WNT10A: variants seen among roughly 807,000 people sequenced by gnomAD.
The protein encoded by WNT10A is Wnt family member 10A.
WNT10A carries 37 observed loss-of-function variants against 36.1 expected under a neutral mutation model. That is an observed-to-expected ratio of 1.02 (90% CI 0.79 to 1.35). WNT10A has a LOEUF of 1.35. Among genes scored for constraint, WNT10A ranks in the 40% most tolerant of loss-of-function variants. The pLI, the probability that WNT10A is intolerant of heterozygous loss-of-function variation, is 0.00. For missense variants in WNT10A, 613 were observed against 601.4 expected (o/e 1.02, Z -0.20); for synonymous variants, 255 against 254.1 (o/e 1.00, Z -0.03).
Position 218,882,078 on chromosome 2 carries a change from C to T in WNT10A, c.114-83C>T, listed in dbSNP as rs2106011393. The T allele has an allele frequency of 3.9e-6, 6 of 1,537,462 alleles. No homozygotes were observed. The East Asian group carries it at 6.9e-5, about 18-fold the overall frequency. The stretch of plus-strand genomic sequence containing the variant: ...GGTTGGAAGAGGGAGTGATTATGGC[C>T]GTTGGGACAGAGTGTGTGTTGTTAG... On this transcript the variant is annotated intron_variant, in intron 1 of 3. Coordinates refer to ENST00000258411, the MANE Select transcript of WNT10A (RefSeq NM_025216.3).
Position 218,890,349 on chromosome 2 carries a change from C to T in WNT10A, c.742C>T (p.Arg248Ter), listed in dbSNP as rs886039453. ...IHARMRLHNN[R>*]VGRQAVMENM... The stretch of plus-strand genomic sequence containing the variant: ...CGCGAGAATGAGGCTTCACAACAAC[C>T]GAGTTGGGAGGCAGGTGAGAGCCCC... Residue 248 changes from arginine to a stop codon, truncating the protein, a stop_gained, in exon 3 of 4, where the codon CGA (arginine) becomes TGA (stop). Transcript: ENST00000258411. LOFTEE classifies it high-confidence loss of function. 27 of 1,599,936 alleles carry T rather than the reference C, an allele frequency of 1.7e-5. No homozygotes were observed. The highest frequency in any genetic ancestry group is 2.1e-5 in the Non-Finnish European group (25 of 1,179,936).
chr2:218,891,750 G>A (rs1020839674), intron 3 of WNT10A, among the ~76,000 whole-genome samples: 1 of 152,188 alleles, frequency 6.6e-6, no homozygotes, highest in African/African-American at 2.4e-5. Context: ...GCGCATGCAC[G>A]CTGTGGAGCC....
At chr2:218,877,015 T>C (rs1944458413), upstream of WNT10A, among the ~76,000 whole-genome samples, 1 of 152,164 alleles carries the variant, frequency 6.6e-6, no homozygotes, top group Non-Finnish European at 1.5e-5. The surrounding 1 kb of genome is among the most constrained non-coding windows in gnomAD (Gnocchi z 4.1). Context: ...TCCCAGACTC[T>C]ACCACTGCTG....
At chr2:218,875,210 A>C in the WNT10A span, among the ~76,000 whole-genome samples, 2 of 42,936 alleles carry the variant, frequency 4.7e-5, no homozygotes, top group Admixed American at 4.3e-4. Flanking sequence ...TTTTTTTGAG[A>C]TGGAGTCTCG....
upstream of WNT10A, chr2:218,880,793 C>T (rs542279169): frequency 1.4e-4 from 71 of 505,324 alleles, no homozygotes; most frequent in Middle Eastern, 2.1e-3. The surrounding 1 kb of genome is among the most constrained non-coding windows in gnomAD (Gnocchi z 7.7). Context: ...CTTCACCCCC[C>T]GCCCCCCCCG....
intron 2 of WNT10A, among the ~76,000 whole-genome samples, chr2:218,883,603 C>CCGG (rs1404739478): frequency 6.7e-6 from 1 of 150,014 alleles, no homozygotes; most frequent in Non-Finnish European, 1.5e-5. Context: ...CTGTTTCTAC[C>CCGG]CGGCCGAGCC....
At chr2:218,875,373 G>A in the WNT10A span, among the ~76,000 whole-genome samples, 1 of 151,212 alleles carries the variant, frequency 6.6e-6, no homozygotes, top group Non-Finnish European at 1.5e-5. Context: ...TGTATTTTTA[G>A]TAGAGATGGG....
chr2:218,890,325 G>T lies in WNT10A; in HGVS notation c.718G>T (p.Ala240Ser), dbSNP rs1386859394. The change falls in exon 3 of 4, where the codon GCG (alanine) becomes TCG (serine). Residue 240 changes from alanine to serine, a missense_variant. Physicochemically the swap from Ala to Ser is moderately conservative, Grantham distance 99. Coordinates refer to ENST00000258411, the MANE Select transcript of WNT10A (RefSeq NM_025216.3). ...CCGGGAGCCTCACAGAGACATCCACGCGAGAATGAGGCTTCACAACAACCG... is the reference window on the plus strand; with the variant it reads ...CCGGGAGCCTCACAGAGACATCCACTCGAGAATGAGGCTTCACAACAACCG... ...DSREPHRDIH[A>S]RMRLHNNRVG... 6.2e-7 allele frequency: 1 copy of T among 1,601,496 alleles called. No individual in the cohort carries two copies. Among genetic ancestry groups the T allele is most frequent in the Non-Finnish European group, 8.5e-7 (1 of 1,179,940 alleles).
At chr2:218,886,771 C>T (rs548463716) in intron 2 of WNT10A, among the ~76,000 whole-genome samples, 1 of 152,228 alleles carries the variant, frequency 6.6e-6, no homozygotes. Flanking sequence ...GGGCCCTGAA[C>T]AGGAGCTGGG....
chr2:218,887,421 T>G (rs559686848), intron 2 of WNT10A, among the ~76,000 whole-genome samples: 1 of 152,230 alleles, frequency 6.6e-6, no homozygotes, highest in South Asian at 2.1e-4. Flanking sequence ...AAATGCAGGA[T>G]GTGCTTCCCA....
chr2:218,882,414 T>A lies in WNT10A; in HGVS notation c.367T>A (p.Phe123Ile). ...RNKIPYESPI[F>I]SRGFRESAFA... ...CAAGATCCCCTATGAGAGTCCCATC[T>A]TCAGCAGAGGTAGCTGCCCCTCACC... Residue 123 changes from phenylalanine (F) to isoleucine (I), a missense_variant, in exon 2 of 4, where the codon TTC becomes ATC. By Grantham distance (21) the Phe-to-Ile change is conservative. Coordinates refer to ENST00000258411, the MANE Select transcript of WNT10A (RefSeq NM_025216.3). 7 of 1,614,126 alleles carry A rather than the reference T, an allele frequency of 4.3e-6. No homozygotes were observed. Among genetic ancestry groups the A allele is most frequent in the Non-Finnish European group, 5.9e-6 (7 of 1,180,026 alleles).
In WNT10A at chr2:218,880,948, C is replaced by T; in HGVS notation, c.-48C>T. 3.9e-6 allele frequency: 6 copies of T among 1,539,610 alleles called. No homozygotes were observed. The highest frequency in any genetic ancestry group is 5.3e-6 in the Non-Finnish European group (6 of 1,142,620). Reference sequence around the variant, plus strand: ...GCCGGCGCCCCTGGCTCTCCAGTCCCACTGGGCTGTGAGCCCCCCACTCCC... The same window carrying T: ...GCCGGCGCCCCTGGCTCTCCAGTCCTACTGGGCTGTGAGCCCCCCACTCCC... On this transcript the variant is annotated 5_prime_UTR_variant, in exon 1 of 4. Coordinates refer to ENST00000258411, the MANE Select transcript of WNT10A (RefSeq NM_025216.3). The surrounding 1 kb of genome is among the most constrained non-coding windows in gnomAD (Gnocchi z 7.7).
upstream of WNT10A, among the ~76,000 whole-genome samples, chr2:218,878,537 A>C (rs1255681700): frequency 6.6e-6 from 1 of 152,174 alleles, no homozygotes; most frequent in Non-Finnish European, 1.5e-5. The surrounding 1 kb of genome is among the most constrained non-coding windows in gnomAD (Gnocchi z 4.1). Context: ...CCAGGTCAGC[A>C]GCGTTTCCCA....
chr2:218,884,555 C>T (rs111696658), intron 2 of WNT10A, among the ~76,000 whole-genome samples: 127 of 152,258 alleles, frequency 8.3e-4, no homozygotes, highest in African/African-American at 2.9e-3. Flanking sequence ...CTTCTACCTT[C>T]TACCTTCTAC....
intron 2 of WNT10A, among the ~76,000 whole-genome samples, chr2:218,882,697 G>T (rs1271450413): frequency 6.6e-6 from 1 of 152,160 alleles, no homozygotes; most frequent in Non-Finnish European, 1.5e-5. Context: ...CCCTATCACT[G>T]ACACTGCATA....
chr2:218,890,419 T>G, intron 3 of WNT10A, 56 bp downstream of exon 3: 1 of 1,597,310 alleles, frequency 6.3e-7, no homozygotes, highest in Non-Finnish European at 8.5e-7. Context: ...GCCTACCCCT[T>G]GCCCTGGCCT....
In WNT10A at chr2:218,882,491, C is replaced by T. The variant is rs984033131; in HGVS notation, c.376+68C>T. On this transcript the variant is annotated intron_variant, in intron 2 of 3. Transcript: ENST00000258411. ...TCTCCACCTCAGAATCTATTCCCAGCCATTTCTAACCCACTGCCTCAAGCT... is the reference window on the plus strand; with the variant it reads ...TCTCCACCTCAGAATCTATTCCCAGTCATTTCTAACCCACTGCCTCAAGCT... The T allele has an allele frequency of 8.8e-6, 14 of 1,592,864 alleles. No homozygotes were observed. In the African/African-American group the frequency reaches 1.6e-4, roughly 18 times the overall value.
chr2:218,893,271 A>C lies in WNT10A; in HGVS notation c.1254A>C (p.Ter418CysextTer49). The change falls in exon 4 of 4, where the codon TGA (stop) becomes TGC (cysteine). Residue 418 changes from the stop codon to cysteine, a stop_lost. Coordinates refer to ENST00000258411, the MANE Select transcript of WNT10A (RefSeq NM_025216.3). The surrounding 1 kb of genome is among the most constrained non-coding windows in gnomAD (Gnocchi z 6.3). The part of the protein sequence containing the change: ...RITEWVSVCK[*>C] Reference sequence around the variant, plus strand: ...CCGAGTGGGTCAGCGTCTGCAAGTGAGCGGCCCGGGGTCCCCTGGGCCCTG... The same window carrying C: ...CCGAGTGGGTCAGCGTCTGCAAGTGCGCGGCCCGGGGTCCCCTGGGCCCTG... 6.5e-7 allele frequency: 1 copy of C among 1,547,592 alleles called. No individual in the cohort carries two copies. Among genetic ancestry groups the C allele is most frequent in the Non-Finnish European group, 8.7e-7 (1 of 1,152,772 alleles).
At chr2:218,884,019 C>G (rs892352705) in intron 2 of WNT10A, 1 of 152,306 alleles carries the variant, frequency 6.6e-6, no homozygotes, top group Non-Finnish European at 1.5e-5. Context: ...CTCCGTAGCC[C>G]TGGCTTTGGT....
Sources: allele counts gnomAD v4.1 joint callset (sites outside exome capture counted in the v4.1 genomes callset), GRCh38; gene constraint gnomAD v4.1.1; non-coding constraint Gnocchi (gnomAD v3.1); transcripts MANE v1.5; gene names NCBI Gene and HGNC (gene_info 2026-07-23, HGNC 2026-07-21).